The following EPB41L4A variants were observed in gnomAD, a reference collection of about 807,000 sequenced individuals.
EPB41L4A encodes band 4.1-like protein 4A.
In EPB41L4A, 100 loss-of-function variants were observed where a neutral mutation model predicts 108.6. The observed-to-expected ratio is 0.92, with a 90% CI of 0.78 to 1.09. The LOEUF is 1.09. EPB41L4A is among the 50% of genes least tolerant of loss of function. The pLI, the probability that EPB41L4A is intolerant of heterozygous loss-of-function variation, is 0.00. For synonymous variants in EPB41L4A, 319 were observed against 289.0 expected (o/e 1.10, Z -1.05); for missense variants, 1,030 against 842.7 (o/e 1.22, Z -2.75).
intron 4 of EPB41L4A, among the ~76,000 whole-genome samples, chr5:112,267,562 A>T (rs1297211306): frequency 1.3e-5 from 2 of 152,200 alleles, no homozygotes; most frequent in Non-Finnish European, 2.9e-5. Context: ...AAACCTGGGA[A>T]CAACGTGTAA....
At chr5:112,408,939 C>T (rs916972466) in intron 1 of EPB41L4A, among the ~76,000 whole-genome samples, 4 of 151,874 alleles carry the variant, frequency 2.6e-5, no homozygotes, top group African/African-American at 9.7e-5. Context: ...AACTTTATGA[C>T]CCAGCAATTC....
intron 3 of EPB41L4A, among the ~76,000 whole-genome samples, chr5:112,279,004 G>T (rs150044261): frequency 6.9e-6 from 1 of 145,058 alleles, no homozygotes; most frequent in Non-Finnish European, 1.5e-5. Flanking sequence ...GGCAGAGATT[G>T]CAGTGAGCCA....
At chr5:112,270,483 A>G (rs1752183725) in intron 4 of EPB41L4A, among the ~76,000 whole-genome samples, 1 of 152,260 alleles carries the variant, frequency 6.6e-6, no homozygotes, top group Non-Finnish European at 1.5e-5. Context: ...ATGCAGAAAA[A>G]TGGCACATAT....
intron 2 of EPB41L4A, among the ~76,000 whole-genome samples, chr5:112,298,731 C>T (rs532432240): frequency 6.6e-6 from 1 of 152,096 alleles, no homozygotes; most frequent in Admixed American, 6.5e-5. Context: ...GGTATTAATT[C>T]TTCTTTGAAT....
intron 1 of EPB41L4A, among the ~76,000 whole-genome samples, chr5:112,385,673 T>C (rs907546109): frequency 2.0e-5 from 3 of 152,180 alleles, no homozygotes; most frequent in Admixed American, 6.5e-5. Context: ...ATCTGGAACA[T>C]GTTAAGAGAG....
chr5:112,417,023 G>A (rs953775148), intron 1 of EPB41L4A, among the ~76,000 whole-genome samples: 2 of 152,230 alleles, frequency 1.3e-5, no homozygotes, highest in Admixed American at 6.5e-5. Context: ...GACAAGGACA[G>A]AGGCCAAGCC....
At chr5:112,339,392 A>C (rs1757116164) in intron 1 of EPB41L4A, among the ~76,000 whole-genome samples, 1 of 151,644 alleles carries the variant, frequency 6.6e-6, no homozygotes, top group Non-Finnish European at 1.5e-5. Flanking sequence ...CAAATAACAC[A>C]CATAAATCTA....
At chr5:112,413,742 G>C (rs1762543034) in intron 1 of EPB41L4A, among the ~76,000 whole-genome samples, 1 of 152,144 alleles carries the variant, frequency 6.6e-6, no homozygotes, top group Non-Finnish European at 1.5e-5. Flanking sequence ...AAACAAAATG[G>C]TACACCAATC....
chr5:112,394,947 G>C (rs1056203388), intron 1 of EPB41L4A, among the ~76,000 whole-genome samples: 2 of 152,088 alleles, frequency 1.3e-5, no homozygotes, highest in East Asian at 3.9e-4. Context: ...ACCACACATC[G>C]ACAACCATCT....
At chr5:112,259,080 C>T (rs961147141) in intron 9 of EPB41L4A, 149 bp downstream of exon 9, 11 of 643,664 alleles carry the variant, frequency 1.7e-5, no homozygotes, top group Non-Finnish European at 2.8e-5. Context: ...CTTCCCTTTC[C>T]TTCCTTGAGA....
At chr5:112,170,688 A>T (rs1194012933) in intron 19 of EPB41L4A, among the ~76,000 whole-genome samples, 1 of 152,044 alleles carries the variant, frequency 6.6e-6, no homozygotes, top group African/African-American at 2.4e-5. Flanking sequence ...ATTTATTTGT[A>T]AACTATTGGC....
At chr5:112,411,302 G>A (rs1362371549) in intron 1 of EPB41L4A, among the ~76,000 whole-genome samples, 1 of 152,032 alleles carries the variant, frequency 6.6e-6, no homozygotes, top group African/African-American at 2.4e-5. Flanking sequence ...ATGCACAAAT[G>A]GAACATGATA....
chr5:112,396,331 C>T (rs1030506850), intron 1 of EPB41L4A, among the ~76,000 whole-genome samples: 12 of 152,160 alleles, frequency 7.9e-5, no homozygotes, highest in African/African-American at 2.7e-4. Flanking sequence ...TATGCAGTTT[C>T]TTCCAGATAC....
intron 12 of EPB41L4A, among the ~76,000 whole-genome samples, chr5:112,214,367 C>T (rs932368197): frequency 6.6e-6 from 1 of 152,198 alleles, no homozygotes; most frequent in African/African-American, 2.4e-5. Flanking sequence ...ACCACCACTG[C>T]TTTTTCATTT....
At chr5:112,314,436 G>A (rs966642180) in intron 1 of EPB41L4A, among the ~76,000 whole-genome samples, 5 of 146,030 alleles carry the variant, frequency 3.4e-5, no homozygotes, top group African/African-American at 1.3e-4. Flanking sequence ...GGGACGTCGA[G>A]GCGGGTGGAT....
At chr5:112,195,773 CA>C in intron 15 of EPB41L4A, 65 bp from the exon 16 acceptor site, 8 of 1,399,816 alleles carry the variant, frequency 5.7e-6, no homozygotes, top group Non-Finnish European at 8.0e-6. Flanking sequence ...GAAAGCACAC[CA>C]AAATGAGTTT....
chr5:112,255,056 T>C (rs1276591050), intron 9 of EPB41L4A, among the ~76,000 whole-genome samples: 1 of 152,102 alleles, frequency 6.6e-6, no homozygotes, highest in Non-Finnish European at 1.5e-5. Flanking sequence ...ACATTGCTGC[T>C]TTCAGACCGT....
At chr5:112,407,559 A>G (rs1580850582) in intron 1 of EPB41L4A, among the ~76,000 whole-genome samples, 1 of 152,320 alleles carries the variant, frequency 6.6e-6, no homozygotes, top group East Asian at 1.9e-4. Context: ...AAGATAATAG[A>G]TGAAAATCCA....
At chr5:112,150,006 G>C (rs1440272939) in intron 12 of EPB41L4A, among the ~76,000 whole-genome samples, 1 of 152,204 alleles carries the variant, frequency 6.6e-6, no homozygotes, top group Non-Finnish European at 1.5e-5. Context: ...GGAAAGGAGG[G>C]AGATCACCCT....
Sources: gnomAD v4.1 joint callset for allele counts (sites outside exome capture counted in the v4.1 genomes callset) on GRCh38, gnomAD v4.1.1 for gene constraint, MANE v1.5 for transcripts, NCBI Gene and HGNC (gene_info 2026-07-23, HGNC 2026-07-21) for gene names.